LPCAT1: variants seen among roughly 807,000 people sequenced by gnomAD.
LPCAT1 encodes the protein 1-acylglycerol-3-phosphate O-acyltransferase.
Under a neutral mutation model 60.9 loss-of-function variants are expected in LPCAT1, and 23 were observed. That is an observed-to-expected ratio of 0.38 (90% confidence interval 0.27 to 0.53). The LOEUF is 0.53. LPCAT1 is among the 20% of genes least tolerant of loss of function. The pLI is 0.82. For missense variants in LPCAT1, 622 were observed against 723.6 expected, an observed-to-expected ratio of 0.86 and a Z score of 1.61; for synonymous variants, 340 against 301.1, an observed-to-expected ratio of 1.13 and a Z score of -1.34.
At chr5:1,501,044 G>C (rs1735984795) in intron 2 of LPCAT1, among the ~76,000 whole-genome samples, 1 of 152,186 alleles carries the variant, frequency 6.6e-6, no homozygotes, top group Admixed American at 6.5e-5. Context: ...GGCAGGGCCA[G>C]AGCTGAGGGT....
Position 1,477,039 on chromosome 5 carries a change from C to G in LPCAT1, c.899+365G>C, listed in dbSNP as rs1024938309. On this transcript the variant is annotated intron_variant, in intron 9 of 13. Coordinates refer to ENST00000283415, the MANE Select transcript of LPCAT1 (RefSeq NM_024830.5). This position sits in a 1 kb window ranked among gnomAD's most constrained non-coding sequence, Gnocchi z 6.0. ...AGTAAGGGCACCGGTAAGTATCACA[C>G]AGGCAGATGAGCAAAGGTAGGCGTG... Among the ~76,000 whole-genome samples, 2 of 152,246 alleles carry G rather than the reference C, an allele frequency of 1.3e-5. No homozygotes were observed. Among genetic ancestry groups the G allele is most frequent in the Non-Finnish European group, 2.9e-5 (2 of 68,042 alleles).
At chr5:1,471,902 A>C (rs1734685849) in intron 11 of LPCAT1, among the ~76,000 whole-genome samples, 1 of 143,922 alleles carries the variant, frequency 6.9e-6, no homozygotes, top group South Asian at 2.3e-4. Context: ...AGAGAAGATG[A>C]GGAGCACCCA....
intron 10 of LPCAT1, 120 bp from the exon 11 acceptor site, chr5:1,474,230 T>C: frequency 1.8e-6 from 2 of 1,137,992 alleles, no homozygotes; most frequent in Non-Finnish European, 1.2e-6. Context: ...AAGCTAGTTT[T>C]CAAGAAAAGG....
chr5:1,486,048 G>A (rs1735360042), intron 5 of LPCAT1, among the ~76,000 whole-genome samples: 1 of 152,194 alleles, frequency 6.6e-6, no homozygotes, highest in Non-Finnish European at 1.5e-5. Context: ...TGTGGAGGGC[G>A]TGGGCCCAGG....
Position 1,487,135 on chromosome 5 carries a change from G to A in LPCAT1, c.667+1256C>T, listed in dbSNP as rs1560970475. On this transcript the variant is annotated intron_variant, in intron 5 of 13. Coordinates refer to ENST00000283415, the MANE Select transcript of LPCAT1 (RefSeq NM_024830.5). This position sits in a 1 kb window ranked among gnomAD's most constrained non-coding sequence, Gnocchi z 6.1. ...GCCCTTGAAGACAGGGCCCAGCAGT[G>A]ACCCCAGCCCCACACCTTGTCAAGG... 6.6e-6 allele frequency among the ~76,000 whole-genome samples: 1 copy of A among 152,204 alleles called. No homozygotes were observed. The highest frequency in any genetic ancestry group is 1.5e-5 in the Non-Finnish European group (1 of 68,038).
chr5:1,490,741 G>A (rs892095554), intron 3 of LPCAT1, among the ~76,000 whole-genome samples: 5 of 152,214 alleles, frequency 3.3e-5, no homozygotes, highest in South Asian at 2.1e-4. Context: ...ACGTGGCCAC[G>A]GCACCTGTCT....
intron 13 of LPCAT1, among the ~76,000 whole-genome samples, chr5:1,466,286 T>G (rs942355898): frequency 6.6e-6 from 1 of 152,090 alleles, no homozygotes; most frequent in African/African-American, 2.4e-5. Context: ...ACAGGTGACT[T>G]TTCTCGGGAG....
intron 1 of LPCAT1, among the ~76,000 whole-genome samples, chr5:1,512,979 G>A (rs914416797): frequency 2.6e-5 from 4 of 152,212 alleles, no homozygotes; most frequent in Non-Finnish European, 5.9e-5. Context: ...ATCCTGGTGT[G>A]GGCCTGCGGG....
intron 1 of LPCAT1, among the ~76,000 whole-genome samples, chr5:1,513,284 T>A (rs900936824): frequency 6.6e-6 from 1 of 152,206 alleles, no homozygotes; most frequent in African/African-American, 2.4e-5. Flanking sequence ...GCCAGAGTTC[T>A]GTCCCTCTGG....
intron 1 of LPCAT1, among the ~76,000 whole-genome samples, chr5:1,505,896 C>T (rs1279969053): frequency 2.0e-5 from 3 of 152,368 alleles, no homozygotes; most frequent in East Asian, 1.9e-4. Context: ...GACCACGTGA[C>T]GCTCCCCACC....
At chr5:1,466,953 AG>A in intron 12 of LPCAT1, 63 bp from the exon 13 acceptor site, 1 of 1,425,852 alleles carries the variant, frequency 7.0e-7, no homozygotes, top group Non-Finnish European at 9.2e-7. Context: ...CCCGCTGTCC[AG>A]GGACACCCCA....
chr5:1,481,030 A>AC lies in LPCAT1; in HGVS notation c.727-55dup. The AC allele has an allele frequency of 1.9e-6, 2 of 1,056,228 alleles. No individual in the cohort carries two copies. The highest frequency in any genetic ancestry group is 2.3e-5 in the African/African-American group (1 of 44,388). The allele number at this position is 1,056,228 out of a possible 1,614,324, so 65.4% of individuals were successfully genotyped here. On this transcript the variant is annotated intron_variant, in intron 6 of 13. Coordinates refer to ENST00000283415, the MANE Select transcript of LPCAT1 (RefSeq NM_024830.5). This position sits in a 1 kb window ranked among gnomAD's most constrained non-coding sequence, Gnocchi z 7.8. ...CATGGGGCCTGCACCCAGGGCCTGC[A>AC]CCAAGCACCTGCGTGTGCCGGCCTC...
intron 1 of LPCAT1, among the ~76,000 whole-genome samples, chr5:1,513,681 G>T (rs928808549): frequency 6.7e-6 from 1 of 150,360 alleles, no homozygotes; most frequent in Non-Finnish European, 1.5e-5. Context: ...TCACCCGTGG[G>T]GCGGGACACC....
chr5:1,503,168 C>T (rs919402052), intron 1 of LPCAT1, among the ~76,000 whole-genome samples: 3 of 152,252 alleles, frequency 2.0e-5, no homozygotes, highest in African/African-American at 7.2e-5. Flanking sequence ...CTCTAATTTG[C>T]CTCCCCTTCC....
chr5:1,466,180 A>G (rs1249077768), intron 13 of LPCAT1, among the ~76,000 whole-genome samples: 1 of 152,154 alleles, frequency 6.6e-6, no homozygotes, highest in Non-Finnish European at 1.5e-5. Context: ...GGGTTTGCGG[A>G]TTTTGCACAG....
intron 11 of LPCAT1, 56 bp from the exon 12 acceptor site, chr5:1,470,980 G>A (rs775152052): frequency 4.0e-6 from 6 of 1,482,492 alleles, no homozygotes; most frequent in Non-Finnish European, 5.6e-6. Flanking sequence ...CTGGAGAAAC[G>A]CCAGGGTTTC....
chr5:1,519,683 G>C (rs1394437551), intron 1 of LPCAT1, among the ~76,000 whole-genome samples: 1 of 152,228 alleles, frequency 6.6e-6, no homozygotes, highest in African/African-American at 2.4e-5. Flanking sequence ...CTGGGGCAAA[G>C]GATGACAGTG....
chr5:1,481,702 G>A lies in LPCAT1; in HGVS notation c.727-726C>T, dbSNP rs1489087672. On this transcript the variant is annotated intron_variant, in intron 6 of 13. Coordinates refer to ENST00000283415, the MANE Select transcript of LPCAT1 (RefSeq NM_024830.5). The surrounding 1 kb of genome is among the most constrained non-coding windows in gnomAD (Gnocchi z 7.8). ...GCACAGATCGGAGTCTGTTGTCCTCGGGTTGACTTTTTTGCCCACAGGAGT... is the reference window on the plus strand; with the variant it reads ...GCACAGATCGGAGTCTGTTGTCCTCAGGTTGACTTTTTTGCCCACAGGAGT... Among the ~76,000 whole-genome samples, 2 of 152,394 alleles carry A rather than the reference G, an allele frequency of 1.3e-5. No homozygotes were observed. The highest frequency in any genetic ancestry group is 1.9e-4 in the East Asian group (1 of 5,196).
In LPCAT1 at chr5:1,479,718, G is replaced by A. The variant is rs762098756; in HGVS notation, c.762-43C>T. The A allele has an allele frequency of 3.4e-6, 5 of 1,477,604 alleles. No individual in the cohort carries two copies. The South Asian group carries it at 3.4e-5, about 10-fold the overall frequency. 91.5% of individuals were successfully genotyped at this position (1,477,604 alleles called of 1,614,324 possible). A position where few individuals can be genotyped will look rare whatever the true frequency, so the allele number is the denominator to read the frequency against. ...CAATGTTGAGCAGATTTACAACTCG[G>A]GTTAACAAGTAAATTACTCCCAATT... is the stretch of plus-strand genomic sequence containing the variant. On this transcript the variant is annotated intron_variant, in intron 7 of 13. Transcript: ENST00000283415.
Sources: allele counts gnomAD v4.1 joint callset (sites outside exome capture counted in the v4.1 genomes callset), GRCh38; gene constraint gnomAD v4.1.1; non-coding constraint Gnocchi (gnomAD v3.1); transcripts MANE v1.5; gene names NCBI Gene and HGNC (gene_info 2026-07-23, HGNC 2026-07-21).